The following CHLSN variants were observed in gnomAD, a reference collection of about 807,000 sequenced individuals.
CHLSN encodes the protein protein cholesin.
the CHLSN span, chr7:1,093,019 T>TG: frequency 1.3e-6 from 1 of 741,812 alleles, no homozygotes; most frequent in East Asian, 2.7e-5. Context: ...ACCCTGGGGC[T>TG]GCTTAGGAAA....
At chr7:1,109,686 T>C in the CHLSN span, among the ~76,000 whole-genome samples, 1 of 148,898 alleles carries the variant, frequency 6.7e-6, no homozygotes, top group Non-Finnish European at 1.5e-5. Flanking sequence ...CACCCCTCCA[T>C]GGCCAGCAGG....
the CHLSN span, among the ~76,000 whole-genome samples, chr7:1,060,880 A>C: frequency 6.6e-6 from 1 of 152,166 alleles, no homozygotes; most frequent in Non-Finnish European, 1.5e-5. Context: ...TCCGATGAGG[A>C]AGTGATCACA....
chr7:1,084,493 C>A, the CHLSN span, among the ~76,000 whole-genome samples: 2 of 152,354 alleles, frequency 1.3e-5, no homozygotes, highest in East Asian at 1.9e-4. Context: ...GTACTGTGAG[C>A]ACCTCCAACC....
At chr7:1,020,653 G>A in the CHLSN span, among the ~76,000 whole-genome samples, 13 of 152,156 alleles carry the variant, frequency 8.5e-5, no homozygotes, top group Admixed American at 3.3e-4. Context: ...AGCCCTTACC[G>A]AACCCACCTC....
At chr7:1,021,511 C>T in the CHLSN span, 1 of 985,430 alleles carries the variant, frequency 1.0e-6, no homozygotes, top group African/African-American at 1.7e-5. Context: ...GTAGTTGGAG[C>T]TGGGACCCCA....
the CHLSN span, among the ~76,000 whole-genome samples, chr7:1,070,619 C>CATGCACGCACAT: frequency 3.4e-5 from 5 of 147,596 alleles, no homozygotes; most frequent in African/African-American, 1.2e-4. Context: ...TGCATGCACA[C>CATGCACGCACAT]ACGCACACAA....
chr7:1,021,090 G>A, the CHLSN span, among the ~76,000 whole-genome samples: 4 of 151,738 alleles, frequency 2.6e-5, no homozygotes, highest in African/African-American at 9.7e-5. Context: ...CCTCCAGGCT[G>A]GGGACCTCGC....
At chr7:1,075,144 C>A in the CHLSN span, among the ~76,000 whole-genome samples, 1 of 152,206 alleles carries the variant, frequency 6.6e-6, no homozygotes, top group Non-Finnish European at 1.5e-5. Context: ...TCACTGAATT[C>A]TCCTGAGGAC....
chr7:1,027,444 C>A, the CHLSN span, among the ~76,000 whole-genome samples: 1 of 152,250 alleles, frequency 6.6e-6, no homozygotes, highest in Admixed American at 6.5e-5. Context: ...GCAGGACCAG[C>A]ACGGGGCCGC....
At chr7:1,033,348 G>A in the CHLSN span, among the ~76,000 whole-genome samples, 18 of 152,132 alleles carry the variant, frequency 1.2e-4, no homozygotes, top group African/African-American at 4.3e-4. Context: ...ACCTGAGGTC[G>A]GGAGTTCAAG....
chr7:1,137,197 C>G, the CHLSN span: 2 of 152,916 alleles, frequency 1.3e-5, no homozygotes, highest in Non-Finnish European at 2.9e-5. Flanking sequence ...ACTGGGCTCC[C>G]TGCTGTTTCC....
At chr7:1,133,679 G>A in the CHLSN span, among the ~76,000 whole-genome samples, 2 of 151,156 alleles carry the variant, frequency 1.3e-5, no homozygotes, top group Admixed American at 6.6e-5. Context: ...GCGCGAACAC[G>A]GGAGGCGGAG....
the CHLSN span, chr7:1,010,053 G>T: frequency 3.1e-6 from 5 of 1,611,918 alleles, no homozygotes; most frequent in African/African-American, 4.0e-5. Flanking sequence ...TCTTTCTTCC[G>T]TTCCTTTTTC....
chr7:1,096,064 C>G, the CHLSN span, among the ~76,000 whole-genome samples: 4 of 152,236 alleles, frequency 2.6e-5, no homozygotes, highest in African/African-American at 9.6e-5. The surrounding 1 kb of genome is among the most constrained non-coding windows in gnomAD (Gnocchi z 4.6). Context: ...CAACCCACCA[C>G]AGGGAACAGT....
chr7:1,070,767 A>G, the CHLSN span, among the ~76,000 whole-genome samples: 2 of 146,428 alleles, frequency 1.4e-5, no homozygotes, highest in Non-Finnish European at 3.0e-5. Context: ...AGACATACAC[A>G]TGCACACGCA....
chr7:1,030,621 C>T, the CHLSN span, among the ~76,000 whole-genome samples: 1 of 152,224 alleles, frequency 6.6e-6, no homozygotes, highest in African/African-American at 2.4e-5. Context: ...AGTGACCCAC[C>T]TGTAGGGCTG....
At chr7:1,072,747 A>C in the CHLSN span, among the ~76,000 whole-genome samples, 352 of 143,490 alleles carry the variant, frequency 2.5e-3, 1 homozygote, top group African/African-American at 8.4e-3. Context: ...GCAGTGGCGC[A>C]ATCTCAGCTC....
At chr7:989,090 C>G in the CHLSN span, 1 of 444,126 alleles carries the variant, frequency 2.3e-6, no homozygotes, top group South Asian at 6.4e-5. Flanking sequence ...CCCGCCCACT[C>G]TCCCACCCCT....
At chr7:1,025,686 T>C in the CHLSN span, 1 of 152,218 alleles carries the variant, frequency 6.6e-6, no homozygotes, top group African/African-American at 2.4e-5. Context: ...AACAGAGCTT[T>C]GTAACCCCTC....
Sources: gnomAD v4.1 joint callset for allele counts (sites outside exome capture counted in the v4.1 genomes callset) on GRCh38, gnomAD v4.1.1 for gene constraint, Gnocchi (gnomAD v3.1) non-coding constraint, MANE v1.5 for transcripts, NCBI Gene and HGNC (gene_info 2026-07-23, HGNC 2026-07-21) for gene names.